Variants in WDFY4 observed in about 807,000 individuals in gnomAD.
WDFY4 encodes the protein WD repeat- and FYVE domain-containing protein 4.
Under a neutral mutation model 351.9 loss-of-function variants are expected in WDFY4, and 169 were observed. That is an observed-to-expected ratio of 0.48 (90% CI 0.42 to 0.55). The LOEUF (loss-of-function observed/expected upper bound fraction) is 0.55, where lower values mean the gene tolerates loss of function less well. WDFY4 is among the 20% of genes least tolerant of loss of function. The probability of loss-of-function intolerance (pLI) is 0.00; values close to 1 mark genes in which losing one functional copy is unlikely to be tolerated. For missense variants in WDFY4, 3,803 were observed against 3,935.6 expected, an observed-to-expected ratio of 0.97 and a Z score of 0.90; for synonymous variants, 1,622 against 1,574.6, an observed-to-expected ratio of 1.03 and a Z score of -0.71.
intron 45 of WDFY4, among the ~76,000 whole-genome samples, chr10:48,898,703 C>A (rs1352903115): frequency 6.6e-6 from 1 of 152,206 alleles, no homozygotes; most frequent in Non-Finnish European, 1.5e-5. Context: ...AATGAGCACT[C>A]TTCCTCCCTC....
intron 1 of WDFY4, 145 bp from the exon 2 acceptor site, chr10:48,709,571 C>T (rs1410298287): frequency 1.5e-6 from 1 of 678,666 alleles, no homozygotes; most frequent in Non-Finnish European, 2.5e-6. Context: ...TTTAAAAAGG[C>T]TTCCTTATTT....
intron 5 of WDFY4, among the ~76,000 whole-genome samples, chr10:48,723,977 C>T (rs1011444300): frequency 3.9e-5 from 6 of 152,072 alleles, no homozygotes; most frequent in Non-Finnish European, 5.9e-5. Context: ...TACATGTTCT[C>T]GGTGCCTCTT....
At chr10:48,846,372 G>A (rs149149744) in intron 39 of WDFY4, among the ~76,000 whole-genome samples, 1 of 152,310 alleles carries the variant, frequency 6.6e-6, no homozygotes, top group Non-Finnish European at 1.5e-5. Flanking sequence ...CTCCAGCCTG[G>A]CTGTGAGCCG....
chr10:48,763,432 G>A (rs897947642), intron 13 of WDFY4, among the ~76,000 whole-genome samples: 1 of 152,226 alleles, frequency 6.6e-6, no homozygotes, highest in Non-Finnish European at 1.5e-5. Context: ...TTCCTTAGCT[G>A]TATTTCATAC....
At chr10:48,919,274 A>G (rs907642089) in intron 47 of WDFY4, among the ~76,000 whole-genome samples, 7 of 152,218 alleles carry the variant, frequency 4.6e-5, no homozygotes, top group Non-Finnish European at 7.3e-5. Context: ...AGAGAACAGT[A>G]CAAACAACTC....
rs974609434 is a variant in WDFY4, at chr10:48,970,278, C to T, written c.8917C>T (p.Arg2973Cys). The change falls in exon 57 of 62, where the codon CGC (arginine) becomes TGC (cysteine). Residue 2973 changes from arginine (R) to cysteine (C), a missense_variant. Arg to Cys is a radical substitution (Grantham distance 180). This residue lies in a region of WDFY4 where 3,054 missense variants were observed against 3,148.6 expected (regional missense o/e 0.97). Coordinates refer to ENST00000325239, the MANE Select transcript of WDFY4 (RefSeq NM_001394531.1). ...GACCAAAGGCCGCCCGAGGGGCTTGCGCCTCCGGCAGGTATGGTCCAGCTC... is the reference window on the plus strand; with the variant it reads ...GACCAAAGGCCGCCCGAGGGGCTTGTGCCTCCGGCAGGTATGGTCCAGCTC... ...SMTKGRPRGL[R>C]LRQALYGHTQ... 20 of 1,550,660 alleles carry T rather than the reference C, an allele frequency of 1.3e-5. No individual in the cohort carries two copies. The highest frequency in any genetic ancestry group is 1.7e-4 in the Middle Eastern group (1 of 6,014).
chr10:48,805,641 T>C (rs951099618), intron 26 of WDFY4, among the ~76,000 whole-genome samples: 2 of 152,226 alleles, frequency 1.3e-5, no homozygotes, highest in Non-Finnish European at 2.9e-5. Flanking sequence ...CTGTTCCCAC[T>C]GCTCAGGCTC....
intron 43 of WDFY4, among the ~76,000 whole-genome samples, chr10:48,884,725 GT>G (rs539398113): frequency 0.01 from 1,542 of 152,152 alleles, 16 homozygotes; most frequent in Non-Finnish European, 0.016. Flanking sequence ...CTCCTCCCCT[GT>G]TTTTTTATCT....
chr10:48,790,383 A>T (rs2132741142), intron 22 of WDFY4, among the ~76,000 whole-genome samples: 1 of 152,372 alleles, frequency 6.6e-6, no homozygotes, highest in South Asian at 2.1e-4. Context: ...CAGGATCTAG[A>T]GGACAGGCAA....
At chr10:48,909,961 A>G (rs1422761296) in intron 47 of WDFY4, 5 of 479,782 alleles carry the variant, frequency 1.0e-5, no homozygotes, top group African/African-American at 1.9e-5. Context: ...TTAGTTGTCT[A>G]TAATATATAA....
At chr10:48,832,251 A>G in intron 38 of WDFY4, among the ~76,000 whole-genome samples, 1 of 152,232 alleles carries the variant, frequency 6.6e-6, no homozygotes, top group East Asian at 1.9e-4. Context: ...CAACTGGTTT[A>G]GATATTGTTA....
At chr10:48,776,399 A>G (rs2066031285) in intron 15 of WDFY4, among the ~76,000 whole-genome samples, 1 of 152,180 alleles carries the variant, frequency 6.6e-6, no homozygotes, top group South Asian at 2.1e-4. Context: ...GCTGTGAAGG[A>G]AAGTGTGGGC....
intron 12 of WDFY4, chr10:48,745,430 G>A (rs73308028): frequency 0.09 from 22,160 of 246,194 alleles, 1,298 homozygotes; most frequent in East Asian, 0.26. Context: ...ATGTCCCTTG[G>A]ATCGAATTTG....
intron 13 of WDFY4, among the ~76,000 whole-genome samples, chr10:48,766,259 G>T (rs2065667188): frequency 6.6e-6 from 1 of 152,144 alleles, no homozygotes; most frequent in East Asian, 1.9e-4. Context: ...TCAGGTTCTG[G>T]TCAAAATCCA....
At position 48,709,775 on chromosome 10, in the gene WDFY4, G is replaced by C; in HGVS notation, c.43G>C (p.Asp15His). Residue 15 changes from aspartate (D) to histidine (H), a missense_variant, in exon 2 of 62, where the codon GAC becomes CAC. Physicochemically the swap from Asp to His is moderately conservative, Grantham distance 81. This residue lies in a region of WDFY4 where 488 missense variants were observed against 456.8 expected (regional missense o/e 1.07). Transcript: ENST00000325239. ...TTCAAAGGCTGAAGACAGAAATGAAGACCCAGGTTCCAAAAATGAAGGGCA... is the reference window on the plus strand; with the variant it reads ...TTCAAAGGCTGAAGACAGAAATGAACACCCAGGTTCCAAAAATGAAGGGCA... The part of the protein sequence containing the change: ...DLSKAEDRNE[D>H]PGSKNEGQLA... 1.3e-6 allele frequency: 2 copies of C among 1,551,956 alleles called. No homozygotes were observed. Among genetic ancestry groups the C allele is most frequent in the Non-Finnish European group, 1.7e-6 (2 of 1,147,052 alleles).
Position 48,830,745 on chromosome 10 carries a change from T to C in WDFY4, c.6386T>C (p.Leu2129Pro). Residue 2129 changes from leucine to proline, a missense_variant, in exon 38 of 62, where the codon CTG (leucine) becomes CCG (proline). Leu to Pro is a moderately conservative substitution (Grantham distance 98, BLOSUM62 -3). Transcript: ENST00000325239. Reference sequence around the variant, plus strand: ...ACAGTGCAGACTCTCTGGCAGCAGCTGGTGGCACAAAGGCAGCAGACCCTG... The same window carrying C: ...ACAGTGCAGACTCTCTGGCAGCAGCCGGTGGCACAAAGGCAGCAGACCCTG... Reference protein sequence around the residue: ...QKTVQTLWQQLVAQRQQTLED... With the variant: ...QKTVQTLWQQPVAQRQQTLED... 1 of 1,551,664 alleles carries C rather than the reference T, an allele frequency of 6.4e-7. No individual in the cohort carries two copies.
rs1344578029 is a variant in WDFY4 at position 48,981,455 on chromosome 10, A to T, written c.9465A>T (p.Ala3155=). 1 of 1,551,592 alleles carries T rather than the reference A, an allele frequency of 6.4e-7. No homozygotes were observed. Among genetic ancestry groups the T allele is most frequent in the Non-Finnish European group, 8.7e-7 (1 of 1,146,992 alleles). Residue 3155 remains alanine, a synonymous_variant, in exon 61 of 62, where the codon GCA becomes GCT. Coordinates refer to ENST00000325239, the MANE Select transcript of WDFY4 (RefSeq NM_001394531.1). ...LTGKPSKTSP[A]VTALAVSRNH... Reference sequence around the variant, plus strand: ...GGAAGCCCAGCAAAACCAGCCCCGCAGTGACTGCTCTGGCCGTGTCCAGGT... The same window carrying T: ...GGAAGCCCAGCAAAACCAGCCCCGCTGTGACTGCTCTGGCCGTGTCCAGGT...
At chr10:48,797,728 T>A (rs2066922057) in intron 24 of WDFY4, among the ~76,000 whole-genome samples, 1 of 152,238 alleles carries the variant, frequency 6.6e-6, no homozygotes, top group Admixed American at 6.5e-5. Context: ...GTGTTATAGA[T>A]GGGACTTTTG....
At chr10:48,961,019 G>A (rs1298531653) in intron 53 of WDFY4, among the ~76,000 whole-genome samples, 1 of 152,196 alleles carries the variant, frequency 6.6e-6, no homozygotes, top group African/African-American at 2.4e-5. Flanking sequence ...ATGACTGAAT[G>A]AATTTATAAA....
Sources: allele counts gnomAD v4.1 joint callset (sites outside exome capture counted in the v4.1 genomes callset), GRCh38; gene constraint gnomAD v4.1.1; regional missense constraint gnomAD v4.1.1; transcripts MANE v1.5; gene names NCBI Gene and HGNC (gene_info 2026-07-23, HGNC 2026-07-21).